The following ABAT variants were observed in gnomAD, a reference collection of about 807,000 sequenced individuals.
ABAT encodes 4-aminobutyrate aminotransferase, mitochondrial.
In ABAT, 45 loss-of-function variants were observed where a neutral mutation model predicts 64.6. That is an observed-to-expected ratio of 0.70 (90% CI 0.55 to 0.89). ABAT has a LOEUF of 0.89. ABAT is among the 40% of genes least tolerant of loss of function. The probability of loss-of-function intolerance (pLI) is 0.00; values close to 1 mark genes in which losing one functional copy is unlikely to be tolerated. For missense variants in ABAT, 633 were observed against 658.4 expected, an observed-to-expected ratio of 0.96 and a Z score of 0.42; for synonymous variants, 297 against 250.5, an observed-to-expected ratio of 1.19 and a Z score of -1.75.
intron 1 of ABAT, among the ~76,000 whole-genome samples, chr16:8,685,266 A>G (rs1048528941): frequency 1.3e-5 from 2 of 152,104 alleles, no homozygotes; most frequent in African/African-American, 2.4e-5. Context: ...AGCTTGAGCA[A>G]TGGAGACCCT....
At chr16:8,772,976 G>T (rs540973902) in intron 12 of ABAT, 59 bp downstream of exon 12, 1 of 1,608,422 alleles carries the variant, frequency 6.2e-7, no homozygotes, top group Non-Finnish European at 8.5e-7. Flanking sequence ...TGAGTTCCCC[G>T]AGTAACGGGC....
In ABAT at chr16:8,782,507, AT is replaced by A. The variant is rs1242800019; in HGVS notation, c.*1078del. 1 of 152,260 alleles carries A rather than the reference AT, an allele frequency of 6.6e-6. No individual in the cohort carries two copies. The highest frequency in any genetic ancestry group is 1.5e-5 in the Non-Finnish European group (1 of 68,066). 9.4% of individuals were successfully genotyped at this position (152,260 alleles called of 1,614,324 possible). On this transcript the variant is annotated 3_prime_UTR_variant, in exon 16 of 16. Transcript: ENST00000268251. ...TGGATTTCTTCTGGAGGGAAGCACC[AT>A]GAATTAAAGGTGCCAGAGCTCCATG...
At chr16:8,717,061 G>A (rs577600586) in intron 1 of ABAT, among the ~76,000 whole-genome samples, 7 of 152,164 alleles carry the variant, frequency 4.6e-5, no homozygotes, top group East Asian at 3.9e-4. Context: ...AGGCCAAGGC[G>A]GGTGGATCAC....
At chr16:8,741,221 T>C (rs2059153521) in intron 2 of ABAT, among the ~76,000 whole-genome samples, 1 of 152,246 alleles carries the variant, frequency 6.6e-6, no homozygotes, top group Non-Finnish European at 1.5e-5. Context: ...AAATGCTTGA[T>C]CATTCAGTAT....
chr16:8,766,522 G>T (rs759845353), intron 9 of ABAT, among the ~76,000 whole-genome samples: 1 of 152,020 alleles, frequency 6.6e-6, no homozygotes, highest in African/African-American at 2.4e-5. Flanking sequence ...GGGCATAGTG[G>T]CACATGCATG....
intron 1 of ABAT, chr16:8,731,383 C>A (rs1467747132): frequency 1.3e-5 from 2 of 152,242 alleles, no homozygotes; most frequent in African/African-American, 4.8e-5. Flanking sequence ...TCACTTTGCA[C>A]TCTGAACAAT....
chr16:8,774,744 C>T (rs1451822795), intron 12 of ABAT, 146 bp from the exon 13 acceptor site: 8 of 921,726 alleles, frequency 8.7e-6, no homozygotes, highest in Admixed American at 2.1e-5. Context: ...TTGTGCACAG[C>T]TCAAGAACAT....
chr16:8,682,186 T>TACACAC (rs55951090), intron 1 of ABAT, among the ~76,000 whole-genome samples: 6,687 of 131,418 alleles, frequency 0.051, 206 homozygotes, highest in African/African-American at 0.083. Flanking sequence ...CCTAACAGGA[T>TACACAC]ACACACACAC....
intron 1 of ABAT, chr16:8,715,698 T>G (rs756104829): frequency 1.4e-5 from 2 of 145,408 alleles, no homozygotes; most frequent in Non-Finnish European, 3.0e-5. Flanking sequence ...TATCTGAATA[T>G]AGATTGTATG....
chr16:8,719,205 T>G (rs2058296206), intron 1 of ABAT, among the ~76,000 whole-genome samples: 1 of 152,154 alleles, frequency 6.6e-6, no homozygotes, highest in Non-Finnish European at 1.5e-5. Context: ...TTTATTGAAC[T>G]GAACAAACAG....
intron 1 of ABAT, chr16:8,713,586 G>A (rs548508894): frequency 1.0e-4 from 27 of 261,824 alleles, no homozygotes; most frequent in African/African-American, 4.9e-4. Context: ...CCTTCCCTCC[G>A]TCCCTCTCCC....
At chr16:8,678,359 T>A (rs1448044743) in intron 1 of ABAT, among the ~76,000 whole-genome samples, 2 of 152,116 alleles carry the variant, frequency 1.3e-5, no homozygotes, top group Non-Finnish European at 2.9e-5. Flanking sequence ...GTTACAAGTG[T>A]GAGTTACAGG....
At chr16:8,754,422 A>G (rs1451787041) in intron 5 of ABAT, among the ~76,000 whole-genome samples, 1 of 152,072 alleles carries the variant, frequency 6.6e-6, no homozygotes. Context: ...TGACTGGTAG[A>G]AGGAAGAGGG....
chr16:8,731,830 ACCTCTTTTT>A (rs1213708283), intron 1 of ABAT, among the ~76,000 whole-genome samples: 1 of 151,686 alleles, frequency 6.6e-6, no homozygotes, highest in African/African-American at 2.4e-5. Flanking sequence ...GCCCTCGGCA[ACCTCTTTTT>A]CCTCTTTTTC....
chr16:8,738,610 G>GTTTTTTTTT (rs1481834240), intron 2 of ABAT, among the ~76,000 whole-genome samples: 1 of 122,052 alleles, frequency 8.2e-6, no homozygotes, highest in African/African-American at 3.7e-5. Flanking sequence ...TTTTGTTTTT[G>GTTTTTTTTT]TTTTTGTTTT....
At chr16:8,753,132 C>T (rs1412638154) in intron 5 of ABAT, among the ~76,000 whole-genome samples, 6 of 147,372 alleles carry the variant, frequency 4.1e-5, no homozygotes, top group African/African-American at 5.0e-5. Flanking sequence ...CTTGCTCTGT[C>T]GCCCAGGCTG....
chr16:8,731,917 G>A (rs555517842), intron 1 of ABAT, among the ~76,000 whole-genome samples: 13 of 152,028 alleles, frequency 8.6e-5, no homozygotes, highest in Non-Finnish European at 1.6e-4. Flanking sequence ...GCAGTGGTGC[G>A]ATCTCAGCTC....
intron 6 of ABAT, among the ~76,000 whole-genome samples, chr16:8,760,922 T>C (rs552359719): frequency 6.6e-5 from 10 of 151,894 alleles, no homozygotes; most frequent in Admixed American, 1.3e-4. Flanking sequence ...ATAACTGTTT[T>C]TAAAAAATTA....
At chr16:8,724,746 C>CAAAAAAA (rs869130725) in intron 1 of ABAT, among the ~76,000 whole-genome samples, 2 of 6,588 alleles carry the variant, frequency 3.0e-4, no homozygotes, top group African/African-American at 4.4e-4. Context: ...AAAAAAAAAA[C>CAAAAAAA]AAAAAAAAAA....
Sources: gnomAD v4.1 joint callset for allele counts (sites outside exome capture counted in the v4.1 genomes callset) on GRCh38, gnomAD v4.1.1 for gene constraint, MANE v1.5 for transcripts, NCBI Gene and HGNC (gene_info 2026-07-23, HGNC 2026-07-21) for gene names.